The following GLIS3 variants were observed in gnomAD, a reference collection of about 807,000 sequenced individuals.
The protein encoded by GLIS3 is GLIS family zinc finger 3.
A neutral mutation model predicts 78.6 loss-of-function variants in GLIS3; 53 were observed. The observed-to-expected ratio is 0.67, with a 90% CI of 0.54 to 0.85. The LOEUF is 0.85. Ranked by LOEUF, GLIS3 falls within the 40% of genes least tolerant of loss-of-function variation. The pLI is 0.00. For synonymous variants in GLIS3, 684 were observed against 509.9 expected, an observed-to-expected ratio of 1.34 and a Z score of -4.60; for missense variants, 1,703 against 1,231.1, an observed-to-expected ratio of 1.38 and a Z score of -5.74.
At chr9:4,469,413 G>T in the GLIS3 span, among the ~76,000 whole-genome samples, 1 of 152,098 alleles carries the variant, frequency 6.6e-6, no homozygotes, top group African/African-American at 2.4e-5. Flanking sequence ...AAATGTAAAA[G>T]AACAGAAATT....
intron 4 of GLIS3, among the ~76,000 whole-genome samples, chr9:4,077,317 C>A (rs1030817052): frequency 6.6e-6 from 1 of 152,174 alleles, no homozygotes; most frequent in Non-Finnish European, 1.5e-5. Flanking sequence ...TCAATTGGCA[C>A]TGACAAATTG....
At chr9:4,267,987 GTA>G (rs1159747061) in intron 2 of GLIS3, among the ~76,000 whole-genome samples, 34 of 151,756 alleles carry the variant, frequency 2.2e-4, no homozygotes, top group East Asian at 7.8e-4. Flanking sequence ...ATGTGCATGT[GTA>G]TATATATGTG....
chr9:4,220,403 C>T (rs1445996464), intron 2 of GLIS3, among the ~76,000 whole-genome samples: 3 of 152,176 alleles, frequency 2.0e-5, no homozygotes, highest in Non-Finnish European at 2.9e-5. Flanking sequence ...TATTAATTAA[C>T]TTCACAGTAG....
chr9:4,274,904 G>C (rs1177383639), intron 2 of GLIS3, among the ~76,000 whole-genome samples: 1 of 152,176 alleles, frequency 6.6e-6, no homozygotes, highest in Non-Finnish European at 1.5e-5. Flanking sequence ...TACTTGAGTA[G>C]CAAGGTCCTA....
chr9:4,182,298 C>T (rs767426546), intron 2 of GLIS3, among the ~76,000 whole-genome samples: 1 of 152,136 alleles, frequency 6.6e-6, no homozygotes, highest in Non-Finnish European at 1.5e-5. Flanking sequence ...ATGTATTCTT[C>T]AGTTCTGCCA....
chr9:4,165,410 C>T, intron 2 of GLIS3, among the ~76,000 whole-genome samples: 1 of 152,204 alleles, frequency 6.6e-6, no homozygotes, highest in East Asian at 1.9e-4. Flanking sequence ...CATTGCACTC[C>T]AGCCTAGGCA....
At chr9:4,010,735 C>T (rs761949094) in intron 4 of GLIS3, among the ~76,000 whole-genome samples, 10 of 152,200 alleles carry the variant, frequency 6.6e-5, no homozygotes, top group Non-Finnish European at 1.5e-4. Context: ...CTGTCCCATG[C>T]TCCACCAGCC....
At chr9:3,925,754 A>G (rs1157877711) in intron 6 of GLIS3, among the ~76,000 whole-genome samples, 1 of 152,218 alleles carries the variant, frequency 6.6e-6, no homozygotes, top group Non-Finnish European at 1.5e-5. Context: ...ATCTTTCTTA[A>G]AAGTACATAA....
At chr9:3,954,606 G>A (rs1345634556) in intron 4 of GLIS3, among the ~76,000 whole-genome samples, 1 of 152,166 alleles carries the variant, frequency 6.6e-6, no homozygotes, top group Admixed American at 6.5e-5. Context: ...ATTTCCTACA[G>A]TATTCAATAT....
At chr9:4,238,290 C>G (rs748752296) in intron 2 of GLIS3, among the ~76,000 whole-genome samples, 2 of 152,134 alleles carry the variant, frequency 1.3e-5, no homozygotes, top group Non-Finnish European at 2.9e-5. Flanking sequence ...TCCCCCACCC[C>G]TAAGCTCTGC....
At chr9:4,093,635 G>C (rs1014801797) in intron 4 of GLIS3, among the ~76,000 whole-genome samples, 4 of 152,188 alleles carry the variant, frequency 2.6e-5, no homozygotes, top group African/African-American at 9.7e-5. Flanking sequence ...TAAATACTCA[G>C]AAGACTGGAT....
upstream of GLIS3, among the ~76,000 whole-genome samples, chr9:4,301,640 G>A (rs1817077733): frequency 6.6e-6 from 1 of 152,182 alleles, no homozygotes; most frequent in Admixed American, 6.5e-5. Flanking sequence ...CCTGGGTGGA[G>A]ACTGCAAAAA....
chr9:4,462,646 C>CAG, the GLIS3 span, among the ~76,000 whole-genome samples: 21 of 148,266 alleles, frequency 1.4e-4, no homozygotes, highest in African/African-American at 5.2e-4. Flanking sequence ...CACGCACACA[C>CAG]ACACACACAC....
At chr9:4,096,405 T>C (rs1011567756) in intron 4 of GLIS3, among the ~76,000 whole-genome samples, 13 of 152,316 alleles carry the variant, frequency 8.5e-5, no homozygotes, top group African/African-American at 3.1e-4. Flanking sequence ...AAAACAAAAG[T>C]AACACATTCA....
chr9:4,420,290 GT>G, the GLIS3 span, among the ~76,000 whole-genome samples: 4 of 152,156 alleles, frequency 2.6e-5, no homozygotes, highest in Non-Finnish European at 2.9e-5. Flanking sequence ...GTTTTAAGGA[GT>G]TTAAAAAGAG....
the GLIS3 span, among the ~76,000 whole-genome samples, chr9:4,454,553 C>T: frequency 2.6e-4 from 40 of 152,208 alleles, no homozygotes; most frequent in African/African-American, 8.4e-4. Context: ...TGATAGTATG[C>T]GAGGGAGGAT....
intron 7 of GLIS3, among the ~76,000 whole-genome samples, chr9:3,885,743 A>G (rs1036767004): frequency 6.6e-6 from 1 of 152,200 alleles, no homozygotes; most frequent in African/African-American, 2.4e-5. Context: ...TAGAGCTGGG[A>G]AAAGTTCGGG....
the GLIS3 span, among the ~76,000 whole-genome samples, chr9:4,419,383 A>G: frequency 2.6e-5 from 4 of 152,196 alleles, no homozygotes; most frequent in Non-Finnish European, 5.9e-5. Context: ...TACAGGAAGC[A>G]TAATTCCGGC....
intron 2 of GLIS3, among the ~76,000 whole-genome samples, chr9:4,255,634 T>G (rs1274847870): frequency 6.6e-6 from 1 of 152,190 alleles, no homozygotes; most frequent in Non-Finnish European, 1.5e-5. Context: ...TACTGTATAA[T>G]TCCAACTATA....
Sources: allele counts gnomAD v4.1 joint callset (sites outside exome capture counted in the v4.1 genomes callset), GRCh38; gene constraint gnomAD v4.1.1; transcripts MANE v1.5; gene names NCBI Gene and HGNC (gene_info 2026-07-23, HGNC 2026-07-21).